The following OSBPL10 variants were observed in gnomAD, a reference collection of about 807,000 sequenced individuals.
OSBPL10 encodes the protein oxysterol-binding protein-related protein 10.
In OSBPL10, 49 loss-of-function variants were observed where a neutral mutation model predicts 81.7. The observed-to-expected ratio is 0.60, with a 90% CI of 0.48 to 0.76. The LOEUF (loss-of-function observed/expected upper bound fraction) is 0.76, where lower values mean the gene tolerates loss of function less well. Among genes scored for constraint, OSBPL10 ranks in the 30% least tolerant of loss-of-function variants. The pLI is 0.00. For missense variants in OSBPL10, 923 were observed against 987.8 expected, an observed-to-expected ratio of 0.93 and a Z score of 0.88; for synonymous variants, 419 against 383.6, an observed-to-expected ratio of 1.09 and a Z score of -1.08.
intron 1 of OSBPL10, among the ~76,000 whole-genome samples, chr3:31,894,536 T>G (rs1432022460): frequency 6.6e-6 from 1 of 152,218 alleles, no homozygotes; most frequent in Non-Finnish European, 1.5e-5. Flanking sequence ...CCTAATTTAT[T>G]GTCAAGCAAA....
chr3:31,855,070 A>C (rs1373150755), intron 3 of OSBPL10, among the ~76,000 whole-genome samples: 1 of 152,196 alleles, frequency 6.6e-6, no homozygotes, highest in Non-Finnish European at 1.5e-5. Flanking sequence ...CTGTGTCCCC[A>C]GCCTGGGGTG....
chr3:32,018,536 T>A (rs1432699436), intron 2 of OSBPL10, among the ~76,000 whole-genome samples: 1 of 152,012 alleles, frequency 6.6e-6, no homozygotes, highest in South Asian at 2.1e-4. Context: ...AAGTTTACAA[T>A]AAAAATGCTG....
intron 1 of OSBPL10, among the ~76,000 whole-genome samples, chr3:31,931,488 T>C (rs1044628239): frequency 1.3e-5 from 2 of 152,294 alleles, no homozygotes; most frequent in Admixed American, 1.3e-4. Flanking sequence ...CAACTCCCTT[T>C]AAGGAGATGA....
At chr3:31,779,520 C>T (rs1006260431) in intron 4 of OSBPL10, among the ~76,000 whole-genome samples, 32 of 152,140 alleles carry the variant, frequency 2.1e-4, no homozygotes, top group Middle Eastern at 3.2e-3. Flanking sequence ...AATCGCAACC[C>T]TAAATATATA....
At chr3:31,867,721 C>G (rs932739103) in intron 3 of OSBPL10, among the ~76,000 whole-genome samples, 2 of 133,250 alleles carry the variant, frequency 1.5e-5, no homozygotes, top group African/African-American at 2.9e-5. Flanking sequence ...CCAGCCTGGG[C>G]GCAGAGTAAG....
At chr3:31,804,592 C>T (rs529880395) in intron 4 of OSBPL10, among the ~76,000 whole-genome samples, 1 of 152,274 alleles carries the variant, frequency 6.6e-6, no homozygotes, top group South Asian at 2.1e-4. Flanking sequence ...GTTACTTAGT[C>T]CAAAATTACT....
intron 4 of OSBPL10, among the ~76,000 whole-genome samples, chr3:31,750,486 G>T (rs935142294): frequency 6.6e-6 from 1 of 152,176 alleles, no homozygotes; most frequent in African/African-American, 2.4e-5. Flanking sequence ...TATGGCTGAA[G>T]ATTTAGTAAC....
chr3:31,964,812 TGTAAAA>T (rs1698267684), intron 1 of OSBPL10, among the ~76,000 whole-genome samples: 1 of 152,140 alleles, frequency 6.6e-6, no homozygotes, highest in Non-Finnish European at 1.5e-5. Context: ...GAAAATTAAA[TGTAAAA>T]GTAAGTTAGT....
At chr3:31,724,262 T>C (rs755063190) in intron 6 of OSBPL10, among the ~76,000 whole-genome samples, 3 of 152,250 alleles carry the variant, frequency 2.0e-5, no homozygotes, top group Admixed American at 6.5e-5. Flanking sequence ...ATAGGAGAGA[T>C]TATACCACTC....
intron 5 of OSBPL10, among the ~76,000 whole-genome samples, chr3:31,739,774 C>T (rs1465026767): frequency 1.3e-5 from 2 of 152,216 alleles, no homozygotes; most frequent in Non-Finnish European, 2.9e-5. Flanking sequence ...CTTTAAGCCA[C>T]CCAGTCTACA....
chr3:31,859,161 AG>A (rs1319659841), intron 3 of OSBPL10, among the ~76,000 whole-genome samples: 1 of 151,760 alleles, frequency 6.6e-6, no homozygotes, highest in Non-Finnish European at 1.5e-5. Flanking sequence ...GCCAGAAACC[AG>A]GTTTTTTTTT....
chr3:31,672,600 C>T (rs988045108), intron 8 of OSBPL10, among the ~76,000 whole-genome samples: 1 of 152,068 alleles, frequency 6.6e-6, no homozygotes, highest in Non-Finnish European at 1.5e-5. Context: ...TTCAATTTAC[C>T]GTGGAGAATT....
intron 3 of OSBPL10, among the ~76,000 whole-genome samples, chr3:31,861,607 T>A (rs1701057932): frequency 6.6e-6 from 1 of 152,206 alleles, no homozygotes; most frequent in Non-Finnish European, 1.5e-5. Flanking sequence ...AAAAATTGAT[T>A]AATACCATTA....
chr3:31,864,167 G>A (rs1204385469), intron 3 of OSBPL10, among the ~76,000 whole-genome samples: 1 of 152,212 alleles, frequency 6.6e-6, no homozygotes, highest in Non-Finnish European at 1.5e-5. Context: ...GTATATATGG[G>A]AGCACAGAGA....
chr3:31,723,570 A>ACACACACACC (rs1407748528), intron 6 of OSBPL10, among the ~76,000 whole-genome samples: 2 of 150,380 alleles, frequency 1.3e-5, no homozygotes, highest in African/African-American at 4.9e-5. Flanking sequence ...ACACACACAC[A>ACACACACACC]CCCCTTTCCC....
intron 7 of OSBPL10, among the ~76,000 whole-genome samples, chr3:31,699,515 A>G (rs941456027): frequency 5.3e-5 from 8 of 152,240 alleles, no homozygotes; most frequent in Admixed American, 5.2e-4. Context: ...AAGAGGGCAG[A>G]CAAGGGTGCT....
intron 4 of OSBPL10, among the ~76,000 whole-genome samples, chr3:31,767,726 C>G (rs182668727): frequency 6.6e-6 from 1 of 152,290 alleles, no homozygotes; most frequent in Admixed American, 6.5e-5. Flanking sequence ...AAATGAACCA[C>G]TGAATGCACC....
At chr3:31,734,895 C>A (rs1414723915) in intron 5 of OSBPL10, among the ~76,000 whole-genome samples, 1 of 152,216 alleles carries the variant, frequency 6.6e-6, no homozygotes, top group Non-Finnish European at 1.5e-5. Flanking sequence ...GATGTTCCAT[C>A]CATAAAGCAA....
In OSBPL10 at chr3:31,832,388, T is replaced by G. The variant is rs72850520; in HGVS notation, c.538-2157A>C. Among the ~76,000 whole-genome samples, 900 of 152,316 alleles carry G rather than the reference T, an allele frequency of 5.9e-3. 12 individuals are homozygous for G. The highest frequency in any genetic ancestry group is 0.02 in the African/African-American group (842 of 41,562). ...ATTCCCTATTGAAAACATTTTAATT[T>G]TGCATAAAATTTACATTCTAATTGT... On this transcript the variant is annotated intron_variant, in intron 3 of 11. Coordinates refer to ENST00000396556, the MANE Select transcript of OSBPL10 (RefSeq NM_017784.5).
Sources: allele counts gnomAD v4.1 joint callset (sites outside exome capture counted in the v4.1 genomes callset), GRCh38; gene constraint gnomAD v4.1.1; transcripts MANE v1.5; gene names NCBI Gene and HGNC (gene_info 2026-07-23, HGNC 2026-07-21).